Variants in GALNT13 observed in about 807,000 individuals in gnomAD.
The protein encoded by GALNT13 is polypeptide N-acetylgalactosaminyltransferase 13.
Under a neutral mutation model 64.2 loss-of-function variants are expected in GALNT13, and 28 were observed. The ratio of observed to expected loss-of-function variants is 0.44; its 90% CI spans 0.32 to 0.60. GALNT13 has a LOEUF of 0.60. GALNT13 is among the 20% of genes least tolerant of loss of function. GALNT13 has a pLI of 0.05. For synonymous variants in GALNT13, 214 were observed against 224.6 expected, an observed-to-expected ratio of 0.95 and a Z score of 0.42; for missense variants, 577 against 669.8, an observed-to-expected ratio of 0.86 and a Z score of 1.53.
At chr2:153,958,151 T>A (rs891923482) in intron 3 of GALNT13, among the ~76,000 whole-genome samples, 1 of 152,196 alleles carries the variant, frequency 6.6e-6, no homozygotes, top group Non-Finnish European at 1.5e-5. Flanking sequence ...CTGAGGCTAG[T>A]TGGATAAGGA....
chr2:154,014,797 T>TA (rs1475308835), intron 3 of GALNT13, among the ~76,000 whole-genome samples: 1 of 151,444 alleles, frequency 6.6e-6, no homozygotes, highest in East Asian at 2.0e-4. Flanking sequence ...CACTCCCAGC[T>TA]AATTTTTGTA....
intron 3 of GALNT13, among the ~76,000 whole-genome samples, chr2:154,037,371 T>TAA (rs952013236): frequency 6.6e-6 from 1 of 152,130 alleles, no homozygotes; most frequent in Non-Finnish European, 1.5e-5. Flanking sequence ...AGGCTATATA[T>TAA]AACAAACCCA....
At chr2:153,771,553 C>T in the GALNT13 span, among the ~76,000 whole-genome samples, 1 of 152,030 alleles carries the variant, frequency 6.6e-6, no homozygotes, top group Non-Finnish European at 1.5e-5. Context: ...TCTAGGGTGG[C>T]TCAGTCTCCC....
At chr2:153,227,192 G>C in the GALNT13 span, among the ~76,000 whole-genome samples, 1 of 152,202 alleles carries the variant, frequency 6.6e-6, no homozygotes, top group Non-Finnish European at 1.5e-5. Flanking sequence ...GAAGATCTGA[G>C]TGGGTCACTA....
At chr2:154,047,695 G>C (rs145396801) in intron 3 of GALNT13, among the ~76,000 whole-genome samples, 3 of 152,288 alleles carry the variant, frequency 2.0e-5, no homozygotes, top group African/African-American at 4.8e-5. Flanking sequence ...TTGCTTGTCT[G>C]AACATCATCT....
chr2:153,356,932 G>A, the GALNT13 span, among the ~76,000 whole-genome samples: 1 of 151,452 alleles, frequency 6.6e-6, no homozygotes, highest in Non-Finnish European at 1.5e-5. Context: ...CGAGTAGCTG[G>A]GACTACAGGC....
At chr2:153,360,138 C>T in the GALNT13 span, among the ~76,000 whole-genome samples, 6 of 152,208 alleles carry the variant, frequency 3.9e-5, no homozygotes, top group Non-Finnish European at 5.9e-5. Flanking sequence ...GCATGACCCA[C>T]AGAGAAGGAA....
At chr2:153,122,080 TA>T in the GALNT13 span, among the ~76,000 whole-genome samples, 1 of 152,196 alleles carries the variant, frequency 6.6e-6, no homozygotes, top group African/African-American at 2.4e-5. Context: ...ATAATTTCTC[TA>T]TTGCTAGATA....
At chr2:153,855,609 A>T in the GALNT13 span, among the ~76,000 whole-genome samples, 1 of 152,176 alleles carries the variant, frequency 6.6e-6, no homozygotes, top group Non-Finnish European at 1.5e-5. Flanking sequence ...GGATGTAGAG[A>T]AATTGTAAAC....
chr2:154,176,247 A>G (rs1685644664), intron 4 of GALNT13, among the ~76,000 whole-genome samples: 1 of 121,070 alleles, frequency 8.3e-6, no homozygotes, highest in South Asian at 2.4e-4. Flanking sequence ...TATATTATTT[A>G]TTTATTTATT....
Position 154,301,538 on chromosome 2 carries a change from G to C in GALNT13, c.1105G>C (p.Ala369Pro). ...CATCAACAAGAACAACAGGAGACTG[G>C]CAGAAGTTTGGATGGATGAATTTAA... is the stretch of plus-strand genomic sequence containing the variant. Reference protein sequence around the residue: ...HVINKNNRRLAEVWMDEFKDF... With the variant: ...HVINKNNRRLPEVWMDEFKDF... The change falls in exon 9 of 13, where the codon GCA becomes CCA. Residue 369 changes from alanine to proline, a missense_variant. Ala to Pro is a conservative substitution (Grantham distance 27, BLOSUM62 -1). Around this residue, in one of 3 missense-constraint regions of GALNT13, gnomAD observed 232 missense variants for 270.6 expected, o/e 0.86. Transcript: ENST00000392825. The C allele has an allele frequency of 6.2e-7, 1 of 1,613,014 alleles. No homozygotes were observed. The highest frequency in any genetic ancestry group is 8.5e-7 in the Non-Finnish European group (1 of 1,179,258).
intron 8 of GALNT13, among the ~76,000 whole-genome samples, chr2:154,267,314 T>G (rs1025787917): frequency 1.3e-5 from 2 of 152,128 alleles, no homozygotes; most frequent in African/African-American, 4.8e-5. Context: ...GAGAATGGAT[T>G]GGTAAATTAG....
At chr2:153,882,488 A>T (rs1214163193) in intron 1 of GALNT13, among the ~76,000 whole-genome samples, 1 of 152,144 alleles carries the variant, frequency 6.6e-6, no homozygotes, top group Non-Finnish European at 1.5e-5. Flanking sequence ...GGTCTTAGAA[A>T]AACAATGCCT....
chr2:153,690,515 G>A, the GALNT13 span, among the ~76,000 whole-genome samples: 8 of 152,088 alleles, frequency 5.3e-5, no homozygotes, highest in African/African-American at 1.9e-4. Context: ...TAAAAATTAT[G>A]ACCAGGAGGT....
chr2:153,462,518 C>T, the GALNT13 span, among the ~76,000 whole-genome samples: 1 of 152,078 alleles, frequency 6.6e-6, no homozygotes, highest in Non-Finnish European at 1.5e-5. Context: ...AAATCAATGG[C>T]AGTTTCATCT....
At chr2:154,029,785 T>C (rs1392769001) in intron 3 of GALNT13, among the ~76,000 whole-genome samples, 5 of 152,152 alleles carry the variant, frequency 3.3e-5, no homozygotes, top group Non-Finnish European at 7.4e-5. Flanking sequence ...GTCATTAATA[T>C]TTTAAAGACT....
chr2:153,698,695 C>A, the GALNT13 span, among the ~76,000 whole-genome samples: 2 of 152,144 alleles, frequency 1.3e-5, no homozygotes, highest in Admixed American at 6.5e-5. Context: ...AGAAAATTAA[C>A]AAGGGTATTC....
At chr2:153,336,836 T>G in the GALNT13 span, among the ~76,000 whole-genome samples, 1 of 152,134 alleles carries the variant, frequency 6.6e-6, no homozygotes, top group African/African-American at 2.4e-5. Context: ...TTGAATTGTG[T>G]CTCCCAGAAT....
chr2:153,124,791 C>T, the GALNT13 span, among the ~76,000 whole-genome samples: 1 of 152,160 alleles, frequency 6.6e-6, no homozygotes, highest in Non-Finnish European at 1.5e-5. Context: ...TGTGAGCCAC[C>T]ATGCCCAGCC....
Sources: gnomAD v4.1 joint callset for allele counts (sites outside exome capture counted in the v4.1 genomes callset) on GRCh38, gnomAD v4.1.1 for gene constraint, gnomAD v4.1.1 regional missense constraint, MANE v1.5 for transcripts, NCBI Gene and HGNC (gene_info 2026-07-23, HGNC 2026-07-21) for gene names.